The following SSC5D variants were observed in gnomAD, a reference collection of about 807,000 sequenced individuals.
SSC5D encodes the protein soluble scavenger receptor cysteine-rich domain-containing protein SSC5D.
SSC5D carries 106 observed loss-of-function variants against 104.6 expected under a neutral mutation model. That is an observed-to-expected ratio of 1.01 (90% CI 0.87 to 1.19). SSC5D has a LOEUF of 1.19. Among genes scored for constraint, SSC5D ranks in the 50% most tolerant of loss-of-function variants. SSC5D has a pLI of 0.00. For missense variants in SSC5D, 1,993 were observed against 2,153.8 expected (o/e 0.93, Z 1.48); for synonymous variants, 860 against 883.5 (o/e 0.97, Z 0.47).
At position 55,488,511 on chromosome 19, in the gene SSC5D, C is replaced by CTCTCTCCCCAGCTGCCTCCTCCTCT; in HGVS notation, c.-69_-45dup. ...CTCCAGCAGGCACTTCCCTCCCTCC[C>CTCTCTCCCCAGCTGCCTCCTCCTCT]TCTCTCCCCAGCTGCCTCCTCCTCT... On this transcript the variant is annotated 5_prime_UTR_variant, in exon 1 of 14. Coordinates refer to ENST00000389623, the MANE Select transcript of SSC5D (RefSeq NM_001144950.2). The CTCTCTCCCCAGCTGCCTCCTCCTCT allele has an allele frequency of 1.5e-6, 2 of 1,357,234 alleles. No homozygotes were observed. The highest frequency in any genetic ancestry group is 2.1e-6 in the Non-Finnish European group (2 of 972,732). The allele number at this position is 1,357,234 out of a possible 1,614,324, so 84.1% of individuals were successfully genotyped here. A position where few individuals can be genotyped will look rare whatever the true frequency, so the allele number is the denominator to read the frequency against.
Position 55,493,731 on chromosome 19 carries a change from G to A in SSC5D, c.1032G>A (p.Glu344=), listed in dbSNP as rs1019543537. The A allele has an allele frequency of 4.6e-6, 7 of 1,522,602 alleles. No individual in the cohort carries two copies. The highest frequency in any genetic ancestry group is 6.2e-6 in the Non-Finnish European group (7 of 1,137,384). The allele number at this position is 1,522,602 out of a possible 1,614,324, so 94.3% of individuals were successfully genotyped here. A position where few individuals can be genotyped will look rare whatever the true frequency, so the allele number is the denominator to read the frequency against. The part of the protein sequence containing the change: ...DLRDAAVACR[E]LGCGGALAAP... ...GAGACGCCGCTGTGGCCTGCCGAGA[G>A]CTGGGCTGCGGAGGGGCGCTGGCCG... is the stretch of plus-strand genomic sequence containing the variant. The change falls in exon 7 of 14, where the codon GAG becomes GAA. Residue 344 remains glutamate, a synonymous_variant. Coordinates refer to ENST00000389623, the MANE Select transcript of SSC5D (RefSeq NM_001144950.2).
rs1399686450 is a variant in SSC5D, at chr19:55,518,361, T to G, written c.4085T>G (p.Leu1362Arg). The change falls in exon 14 of 14, where the codon CTG becomes CGG. Residue 1362 changes from leucine to arginine, a missense_variant. Transcript: ENST00000389623. ...CTAGCACCAACAGTCAAGCCCAGTC[T>G]GCACCCCCAGTTGACCTTCACAGCA... ...PTLAPTVKPS[L>R]HPQLTFTAPA... 6.4e-7 allele frequency: 1 copy of G among 1,550,962 alleles called. No homozygotes were observed. Among genetic ancestry groups the G allele is most frequent in the South Asian group, 1.2e-5 (1 of 84,002 alleles).
rs1599929076 is a variant in SSC5D at position 55,513,066 on chromosome 19, C to A, written c.2841C>A (p.Gly947=). The A allele has an allele frequency of 6.4e-7, 1 of 1,551,740 alleles. No homozygotes were observed. Among genetic ancestry groups the A allele is most frequent in the East Asian group, 2.4e-5 (1 of 40,894 alleles). Residue 947 remains glycine, a synonymous_variant, in exon 13 of 14, where the codon GGC becomes GGA. Coordinates refer to ENST00000389623, the MANE Select transcript of SSC5D (RefSeq NM_001144950.2). ...CGTGGGACACACCATCAGGAAGGGG[C>A]CTGGCTGAGGGGACCCCTACCGCAG... is the stretch of plus-strand genomic sequence containing the variant. The part of the protein sequence containing the change: ...PWTWDTPSGR[G]LAEGTPTAGK...
rs1275512846 is a variant in SSC5D at position 55,518,033 on chromosome 19, TCCA to T, written c.3761_3763del (p.Thr1254del). ...CCCTCATCCCACCACCATCACTCACTCCACCATGATTCCTGACCCCACCACAAC... is the reference window on the plus strand; with the variant it reads ...CCCTCATCCCACCACCATCACTCACTCCATGATTCCTGACCCCACCACAAC... On this transcript the variant is annotated inframe_deletion, in exon 14 of 14. Transcript: ENST00000389623. The T allele has an allele frequency of 1.0e-6, 1 of 997,488 alleles. No individual in the cohort carries two copies. The highest frequency in any genetic ancestry group is 1.3e-6 in the Non-Finnish European group (1 of 797,138). 61.8% of individuals were successfully genotyped at this position (997,488 alleles called of 1,614,324 possible).
rs1305558425 is a variant in SSC5D at position 55,498,149 on chromosome 19, G to T, written c.1657G>T (p.Gly553Ter). 6.4e-7 allele frequency: 1 copy of T among 1,551,734 alleles called. No individual in the cohort carries two copies. Among genetic ancestry groups the T allele is most frequent in the Admixed American group, 2.0e-5 (1 of 51,000 alleles). Residue 553 changes from glycine (G) to a stop codon, truncating the protein, a stop_gained, in exon 9 of 14, where the codon GGA becomes TGA. Transcript: ENST00000389623. LOFTEE classifies it high-confidence loss of function. ...GTCCGACTGCCCTGCTGCTCCCTGG[G>T]GAAAGCACAACTGCGCTCACAATGA... Reference protein sequence around the residue: ...SLSDCPAAPWGKHNCAHNEDV... With the variant: ...SLSDCPAAPW
chr19:55,502,841 A>G, intron 12 of SSC5D, among the ~76,000 whole-genome samples: 1 of 149,896 alleles, frequency 6.7e-6, no homozygotes. Context: ...TTTGAGACAG[A>G]GTCTTGCTGT....
Position 55,499,986 on chromosome 19 carries a change from A to T in SSC5D, c.1876A>T (p.Lys626Ter). 1 of 1,551,960 alleles carries T rather than the reference A, an allele frequency of 6.4e-7. No homozygotes were observed. Among genetic ancestry groups the T allele is most frequent in the Non-Finnish European group, 8.7e-7 (1 of 1,147,042 alleles). The change falls in exon 10 of 14, where the codon AAG (lysine) becomes TAG (stop). Residue 626 changes from lysine (K) to a stop codon, truncating the protein, a stop_gained. Transcript: ENST00000389623. LOFTEE classifies it high-confidence loss of function. ...TTTKAPGKMP[K>*]STKKWVTKNA... ...CACGAAGGCCCCAGGGAAAATGCCT[A>T]AGAGTACTAAGAAGTGGGTGACAAA...
intron 6 of SSC5D, chr19:55,492,245 A>G (rs1276059884): frequency 1.3e-5 from 2 of 152,238 alleles, no homozygotes; most frequent in Admixed American, 6.5e-5. Flanking sequence ...CTGGGTCTGT[A>G]TAGACCCACG....
Position 55,503,928 on chromosome 19 carries a change from G to T in SSC5D, c.2785+2727G>T, listed in dbSNP as rs1175995808. 6.6e-6 allele frequency among the ~76,000 whole-genome samples: 1 copy of T among 152,220 alleles called. No homozygotes were observed. Among genetic ancestry groups the T allele is most frequent in the African/African-American group, 2.4e-5 (1 of 41,466 alleles). ...CCTCGCACCTCGTGACGTCACAGGC[G>T]CGCTGCGCCTCCTGATTGGCCAGCC... On this transcript the variant is annotated intron_variant, in intron 12 of 13. Coordinates refer to ENST00000389623, the MANE Select transcript of SSC5D (RefSeq NM_001144950.2). The surrounding 1 kb of genome is among the most constrained non-coding windows in gnomAD (Gnocchi z 4.0).
At chr19:55,499,371 T>C (rs1384757624) in intron 9 of SSC5D, among the ~76,000 whole-genome samples, 1 of 152,236 alleles carries the variant, frequency 6.6e-6, no homozygotes, top group East Asian at 1.9e-4. Flanking sequence ...CCCGTCTTCC[T>C]GAGGGCCACG....
Position 55,518,414 on chromosome 19 carries a change from A to C in SSC5D, c.4138A>C (p.Ile1380Leu). The C allele has an allele frequency of 6.4e-7, 1 of 1,551,056 alleles. No individual in the cohort carries two copies. Among genetic ancestry groups the C allele is most frequent in the Non-Finnish European group, 8.7e-7 (1 of 1,146,890 alleles). The change falls in exon 14 of 14, where the codon ATA becomes CTA. Residue 1380 changes from isoleucine to leucine, a missense_variant. This residue lies in a region of SSC5D where 349 missense variants were observed against 397.6 expected (regional missense o/e 0.88). Transcript: ENST00000389623. Reference sequence around the variant, plus strand: ...TGCCCCTCACACCTCCACATCCCAGATACCCACCTTAGAGCCCTCTCCAGC... The same window carrying C: ...TGCCCCTCACACCTCCACATCCCAGCTACCCACCTTAGAGCCCTCTCCAGC... ...APAPHTSTSQ[I>L]PTLEPSPALE...
chr19:55,515,731 CAAAA>C (rs35843272), intron 13 of SSC5D, among the ~76,000 whole-genome samples: 15 of 142,614 alleles, frequency 1.1e-4, no homozygotes, highest in Middle Eastern at 3.5e-3. Context: ...GACTCCGTCT[CAAAA>C]AAAAAAATAA....
rs1484505730 is a variant in SSC5D, at chr19:55,490,254, G to T, written c.476-44G>T. 3 of 698,004 alleles carry T rather than the reference G, an allele frequency of 4.3e-6. No individual in the cohort carries two copies. In the East Asian group the frequency reaches 8.3e-5, roughly 19 times the overall value. The allele number at this position is 698,004 out of a possible 1,614,324, so 43.2% of individuals were successfully genotyped here. ...GCCTGGGCCCCCAGGTGGGAGGAAG[G>T]ATGAGGGGCTCAGCTCCTGACCCCT... is the stretch of plus-strand genomic sequence containing the variant. On this transcript the variant is annotated intron_variant, in intron 4 of 13. Coordinates refer to ENST00000389623, the MANE Select transcript of SSC5D (RefSeq NM_001144950.2).
intron 6 of SSC5D, chr19:55,491,383 T>TGGAGGA (rs1987139726): frequency 1.4e-5 from 5 of 365,390 alleles, no homozygotes; most frequent in Non-Finnish European, 2.0e-5. Flanking sequence ...GAGCTAAGAA[T>TGGAGGA]GCCTGCCTCA....
rs1179491157 is a variant in SSC5D, at chr19:55,499,842, G to C, written c.1732G>C (p.Asp578His). The change falls in exon 10 of 14, where the codon GAC (aspartate) becomes CAC (histidine). Residue 578 changes from aspartate to histidine, a missense_variant. By Grantham distance (81) the Asp-to-His change is moderately conservative. Coordinates refer to ENST00000389623, the MANE Select transcript of SSC5D (RefSeq NM_001144950.2). ...GCCCCCAGGCCTGGACTCCATCTCA[G>C]ACCCCTTCAGCTGGAGCTGGATTCC... is the stretch of plus-strand genomic sequence containing the variant. ...TGPPGLDSIS[D>H]PFSWSWIPGL... The C allele has an allele frequency of 1.3e-6, 2 of 1,551,342 alleles. No individual in the cohort carries two copies. The highest frequency in any genetic ancestry group is 2.7e-5 in the African/African-American group (2 of 72,942).
At chr19:55,494,503 C>A in intron 7 of SSC5D, 107 bp from the exon 8 acceptor site, 2 of 1,263,182 alleles carry the variant, frequency 1.6e-6, no homozygotes, top group Non-Finnish European at 2.1e-6. Context: ...GAAGAGATCT[C>A]TGCGTGCAGC....
chr19:55,504,423 TC>T, intron 12 of SSC5D: 1 of 1,043,042 alleles, frequency 9.6e-7, no homozygotes, highest in South Asian at 2.5e-5. Flanking sequence ...AGGCATGCAT[TC>T]TTAGCTTCAG....
At chr19:55,495,402 A>AT (rs548084625) in intron 8 of SSC5D, among the ~76,000 whole-genome samples, 3,354 of 135,432 alleles carry the variant, frequency 0.025, 46 homozygotes, top group Middle Eastern at 0.063. Context: ...AATTTTTTGT[A>AT]TTTTTTTTTT....
rs1184645977 is a variant in SSC5D, at chr19:55,491,082, T to G, written c.895+2T>G. On this transcript the variant is annotated splice_donor_variant, in intron 6 of 13. Transcript: ENST00000389623. LOFTEE classifies it high-confidence loss of function. ...AGGATGCGGGGCTGGTCTGCACCGG[T>G]ACGTCGGGCTGGGGCCTGGCCCCCT... 5 of 1,547,114 alleles carry G rather than the reference T, an allele frequency of 3.2e-6. No individual in the cohort carries two copies. The highest frequency in any genetic ancestry group is 4.4e-6 in the Non-Finnish European group (5 of 1,145,348).
Sources: allele counts gnomAD v4.1 joint callset (sites outside exome capture counted in the v4.1 genomes callset), GRCh38; gene constraint gnomAD v4.1.1; regional missense constraint gnomAD v4.1.1; non-coding constraint Gnocchi (gnomAD v3.1); transcripts MANE v1.5; gene names NCBI Gene and HGNC (gene_info 2026-07-23, HGNC 2026-07-21).